The following SIAH1 variants were observed in gnomAD, a reference collection of about 807,000 sequenced individuals.
The protein encoded by SIAH1 is siah E3 ubiquitin protein ligase 1.
A neutral mutation model predicts 20.0 loss-of-function variants in SIAH1; 2 were observed. That is an observed-to-expected ratio of 0.10 (90% CI 0.04 to 0.31). SIAH1 has a LOEUF of 0.31. Among genes scored for constraint, SIAH1 ranks in the 10% least tolerant of loss-of-function variants. The pLI, the probability that SIAH1 is intolerant of heterozygous loss-of-function variation, is 1.00. For synonymous variants in SIAH1, 118 were observed against 125.3 expected, an observed-to-expected ratio of 0.94 and a Z score of 0.39; for missense variants, 119 against 355.3, an observed-to-expected ratio of 0.33 and a Z score of 5.35.
At chr16:48,365,249 C>T (rs189623348) in intron 1 of SIAH1, 24 of 833,090 alleles carry the variant, frequency 2.9e-5, no homozygotes, top group Non-Finnish European at 4.4e-5. Context: ...AAAAGAACAG[C>T]AGCCCAAATG....
rs768759254 is a variant in SIAH1 at position 48,362,126 on chromosome 16, C to A, written c.303G>T (p.Ala101=). 1.2e-6 allele frequency: 2 copies of A among 1,614,140 alleles called. No homozygotes were observed. The highest frequency in any genetic ancestry group is 1.7e-6 in the Non-Finnish European group (2 of 1,180,014). The change falls in exon 2 of 2, where the codon GCG becomes GCT. Residue 101 remains alanine, a synonymous_variant. Transcript: ENST00000394725. This position sits in a 1 kb window ranked among gnomAD's most constrained non-coding sequence, Gnocchi z 4.2. ...GCAGAGTTATTTCACATCCAGAAGA[C>A]GCATATTTACAGGGGAAAAGTACTG... ...ANSVLFPCKY[A]SSGCEITLPH...
At chr16:48,379,338 T>C (rs960516745) in intron 1 of SIAH1, among the ~76,000 whole-genome samples, 2 of 152,152 alleles carry the variant, frequency 1.3e-5, no homozygotes, top group Non-Finnish European at 2.9e-5. Flanking sequence ...CTACCCAAAG[T>C]AGCACAAATA....
At chr16:48,365,483 G>A (rs1317102805) in intron 1 of SIAH1, 2 of 1,612,154 alleles carry the variant, frequency 1.2e-6, no homozygotes, top group African/African-American at 2.7e-5. Flanking sequence ...GTCATGAGAA[G>A]TCAGGCCACG....
At chr16:48,370,324 T>C (rs1960950720) in intron 1 of SIAH1, among the ~76,000 whole-genome samples, 1 of 152,176 alleles carries the variant, frequency 6.6e-6, no homozygotes, top group South Asian at 2.1e-4. Flanking sequence ...TCCTTGGACC[T>C]TGGTTGTTGG....
chr16:48,361,766 A>T lies in SIAH1; in HGVS notation c.663T>A (p.Phe221Leu). 6.2e-7 allele frequency: 1 copy of T among 1,614,198 alleles called. No homozygotes were observed. Among genetic ancestry groups the T allele is most frequent in the South Asian group, 1.1e-5 (1 of 91,078 alleles). The change falls in exon 2 of 2, where the codon TTT becomes TTA. Residue 221 changes from phenylalanine (F) to leucine (L), a missense_variant. Transcript: ENST00000394725. ...LIGTRKQAEN[F>L]AYRLELNGHR... ...GACCATTTAGCTCAAGTCGGTAAGC[A>T]AAATTTTCAGCTTGCTTGCGTGTTC... is the stretch of plus-strand genomic sequence containing the variant.
chr16:48,383,510 T>A (rs1961352533), intron 1 of SIAH1, among the ~76,000 whole-genome samples: 1 of 152,236 alleles, frequency 6.6e-6, no homozygotes, highest in Non-Finnish European at 1.5e-5. Context: ...CAGTAACTTC[T>A]AAAAGTGATG....
chr16:48,366,679 T>C (rs1960850054), intron 1 of SIAH1, among the ~76,000 whole-genome samples: 1 of 152,194 alleles, frequency 6.6e-6, no homozygotes, highest in African/African-American at 2.4e-5. Context: ...TGTCATTACA[T>C]CATGCTTAGG....
rs111323902 is a variant in SIAH1 at position 48,366,983 on chromosome 16, C to G, written c.-2-4553G>C. On this transcript the variant is annotated intron_variant, in intron 1 of 1. Coordinates refer to ENST00000394725, the MANE Select transcript of SIAH1 (RefSeq NM_003031.4). The stretch of plus-strand genomic sequence containing the variant: ...GTGCAGTGGCACAATCTCCACTCAC[C>G]GCAGCCTCGGTCTTCTGGGCTCGAG... Among the ~76,000 whole-genome samples the G allele has an allele frequency of 7.5e-3, 1,141 of 152,230 alleles. 16 individuals carry two copies. The highest frequency in any genetic ancestry group is 0.026 in the African/African-American group (1,073 of 41,556).
chr16:48,369,030 C>T (rs995243320), intron 1 of SIAH1, among the ~76,000 whole-genome samples: 4 of 152,106 alleles, frequency 2.6e-5, no homozygotes, highest in African/African-American at 7.2e-5. Context: ...TTAAACATTG[C>T]TTCTATTTGA....
intron 1 of SIAH1, among the ~76,000 whole-genome samples, chr16:48,368,109 T>C (rs751100862): frequency 6.6e-6 from 1 of 152,294 alleles, no homozygotes; most frequent in Non-Finnish European, 1.5e-5. Flanking sequence ...AAATTACTTA[T>C]AAAAGTTTAA....
At position 48,385,194 on chromosome 16, in the gene SIAH1, C is replaced by A; in HGVS notation, c.-3+10G>T. 1 of 313,056 alleles carries A rather than the reference C, an allele frequency of 3.2e-6. No homozygotes were observed. The allele number at this position is 313,056 out of a possible 1,614,324, so 19.4% of individuals were successfully genotyped here. A position where few individuals can be genotyped will look rare whatever the true frequency, so the allele number is the denominator to read the frequency against. On this transcript the variant is annotated intron_variant, in intron 1 of 1. Coordinates refer to ENST00000394725, the MANE Select transcript of SIAH1 (RefSeq NM_003031.4). ...CCGCCGGCTCCTCCCTCAGGCCGGG[C>A]CCCACTTACCTGTGGGCGGAGAGCG...
At chr16:48,380,092 A>G (rs1377438901) in intron 1 of SIAH1, among the ~76,000 whole-genome samples, 1 of 152,256 alleles carries the variant, frequency 6.6e-6, no homozygotes, top group Non-Finnish European at 1.5e-5. Flanking sequence ...GCTTTGAGAT[A>G]GAGAACAGAA....
At chr16:48,370,633 C>G (rs530818708) in intron 1 of SIAH1, among the ~76,000 whole-genome samples, 2 of 151,986 alleles carry the variant, frequency 1.3e-5, no homozygotes, top group Non-Finnish European at 2.9e-5. Flanking sequence ...AGTGAAACCC[C>G]GTCTCTACTA....
intron 1 of SIAH1, among the ~76,000 whole-genome samples, chr16:48,382,798 T>C (rs141023214): frequency 2.6e-3 from 393 of 152,332 alleles, no homozygotes; most frequent in African/African-American, 9.0e-3. Context: ...TTTAAAAATT[T>C]TGTAAATCAA....
chr16:48,380,987 C>A (rs894186316), intron 1 of SIAH1, among the ~76,000 whole-genome samples: 1 of 147,464 alleles, frequency 6.8e-6, no homozygotes, highest in East Asian at 2.0e-4. Context: ...CAAATCCGGC[C>A]GAGGATACAG....
At chr16:48,365,519 G>C in intron 1 of SIAH1, 5 of 1,598,650 alleles carry the variant, frequency 3.1e-6, no homozygotes, top group Non-Finnish European at 4.3e-6. Context: ...AAGAAGTAAA[G>C]GAACAGGCCC....
intron 1 of SIAH1, among the ~76,000 whole-genome samples, chr16:48,381,292 C>G (rs147306797): frequency 2.0e-5 from 3 of 152,260 alleles, no homozygotes; most frequent in African/African-American, 7.2e-5. Flanking sequence ...TTGCAGTGAG[C>G]TGAGATTGTG....
At chr16:48,383,664 C>T (rs566054267) in intron 1 of SIAH1, among the ~76,000 whole-genome samples, 16 of 152,206 alleles carry the variant, frequency 1.1e-4, no homozygotes, top group African/African-American at 3.6e-4. Context: ...TTTTTAATCA[C>T]AAAGATATAG....
chr16:48,362,048 G>A lies in SIAH1; in HGVS notation c.381C>T (p.Ser127=). 6.2e-7 allele frequency: 1 copy of A among 1,614,214 alleles called. No individual in the cohort carries two copies. The highest frequency in any genetic ancestry group is 8.5e-7 in the Non-Finnish European group (1 of 1,180,032). ...HEELCEFRPY[S]CPCPGASCKW... ...TACAGGAAGCACCAGGGCACGGACA[G>A]GAATAAGGCCTAAACTCACAGAGCT... The change falls in exon 2 of 2, where the codon TCC becomes TCT. Residue 127 remains serine, a synonymous_variant. Transcript: ENST00000394725. The surrounding 1 kb of genome is among the most constrained non-coding windows in gnomAD (Gnocchi z 4.2).
Sources: gnomAD v4.1 joint callset for allele counts (sites outside exome capture counted in the v4.1 genomes callset) on GRCh38, gnomAD v4.1.1 for gene constraint, Gnocchi (gnomAD v3.1) non-coding constraint, MANE v1.5 for transcripts, NCBI Gene and HGNC (gene_info 2026-07-23, HGNC 2026-07-21) for gene names.